COL16A1: variants seen among roughly 807,000 people sequenced by gnomAD.
The protein encoded by COL16A1 is collagen type XVI alpha 1 chain.
A neutral mutation model predicts 266.3 loss-of-function variants in COL16A1; 189 were observed. The observed-to-expected ratio is 0.71, with a 90% CI of 0.63 to 0.80. The LOEUF (loss-of-function observed/expected upper bound fraction) is 0.80, where lower values mean the gene tolerates loss of function less well. Ranked by LOEUF, COL16A1 falls within the 30% of genes least tolerant of loss-of-function variation. The pLI is 0.00. For missense variants in COL16A1, 1,928 were observed against 2,122.4 expected (o/e 0.91, Z 1.80); for synonymous variants, 740 against 782.3 (o/e 0.95, Z 0.90).
chr1:31,658,146 A>G (rs1354476523), intron 64 of COL16A1, among the ~76,000 whole-genome samples: 2 of 152,160 alleles, frequency 1.3e-5, no homozygotes, highest in East Asian at 3.8e-4. Flanking sequence ...ACAGCACTGC[A>G]TTTCTGGTTC....
chr1:31,683,929 G>A (rs775075816), intron 33 of COL16A1, 21 bp downstream of exon 33: 5 of 1,614,010 alleles, frequency 3.1e-6, no homozygotes, highest in East Asian at 4.5e-5. Flanking sequence ...TACGGCCCAG[G>A]GCCCCAAGAC....
intron 20 of COL16A1, 105 bp downstream of exon 20, chr1:31,691,083 C>A (rs1644241424): frequency 2.0e-6 from 3 of 1,524,530 alleles, no homozygotes; most frequent in Non-Finnish European, 2.6e-6. Context: ...GGCCCGGCCT[C>A]CTCCCTGGGA....
At chr1:31,681,995 A>G (rs1297739508) in intron 37 of COL16A1, among the ~76,000 whole-genome samples, 1 of 140,988 alleles carries the variant, frequency 7.1e-6, no homozygotes, top group Non-Finnish European at 1.5e-5. Context: ...ATCCGCAAAG[A>G]CAGAAGAGGA....
intron 67 of COL16A1, among the ~76,000 whole-genome samples, 155 bp downstream of exon 67, chr1:31,655,159 A>AT (rs1179123840): frequency 6.6e-6 from 1 of 151,758 alleles, no homozygotes; most frequent in African/African-American, 2.4e-5. Flanking sequence ...GGGTCCTATC[A>AT]TCCCCACCCT....
At chr1:31,701,974 C>G in intron 2 of COL16A1, 147 bp downstream of exon 2, 2 of 1,235,040 alleles carry the variant, frequency 1.6e-6, no homozygotes, top group Non-Finnish European at 2.3e-6. Flanking sequence ...GGTGCCAACA[C>G]CTCAGATCAC....
At chr1:31,687,381 CAA>C (rs60096709) in intron 26 of COL16A1, among the ~76,000 whole-genome samples, 14 of 59,768 alleles carry the variant, frequency 2.3e-4, no homozygotes, top group Admixed American at 1.1e-3. Flanking sequence ...GACTCAGTCT[CAA>C]AAAAAAAAAA....
chr1:31,693,338 C>T, intron 12 of COL16A1, 184 bp from the exon 13 acceptor site: 1 of 606,638 alleles, frequency 1.6e-6, no homozygotes, highest in Admixed American at 2.7e-5. Context: ...GGATTCCACA[C>T]CTGTTCATCC....
At chr1:31,684,690 CT>C in intron 30 of COL16A1, 60 bp from the exon 31 acceptor site, 7 of 1,607,272 alleles carry the variant, frequency 4.4e-6, no homozygotes, top group Non-Finnish European at 6.0e-6. Flanking sequence ...GGTTGCCCCC[CT>C]GGGACTCGCA....
intron 17 of COL16A1, 124 bp from the exon 18 acceptor site, chr1:31,691,766 G>T: frequency 1.5e-6 from 2 of 1,307,682 alleles, no homozygotes; most frequent in East Asian, 2.5e-5. Context: ...GCCCACCCTG[G>T]TGCCCCAAGG....
Position 31,685,551 on chromosome 1 carries a change from A to C in COL16A1, c.2016+88T>G. The C allele has an allele frequency of 2.9e-5, 32 of 1,122,508 alleles. No homozygotes were observed. Among genetic ancestry groups the C allele is most frequent in the Non-Finnish European group, 3.1e-5 (25 of 799,660 alleles). 69.5% of individuals were successfully genotyped at this position (1,122,508 alleles called of 1,614,324 possible). ...CCCCACTACCCCCAACTGCCCAGGG[A>C]GTCAAGAGACCCAGGCAGGACCCCT... On this transcript the variant is annotated intron_variant, in intron 29 of 70. Transcript: ENST00000373672. The surrounding 1 kb of genome is among the most constrained non-coding windows in gnomAD (Gnocchi z 4.0).
intron 48 of COL16A1, among the ~76,000 whole-genome samples, chr1:31,671,348 G>A (rs1642681157): frequency 6.6e-6 from 1 of 152,210 alleles, no homozygotes; most frequent in South Asian, 2.1e-4. Flanking sequence ...GCGCAGCAGA[G>A]GGTGGGGACA....
Position 31,670,579 on chromosome 1 carries a change from G to A in COL16A1, c.3195+23C>T. 1 of 1,373,044 alleles carries A rather than the reference G, an allele frequency of 7.3e-7. No individual in the cohort carries two copies. The highest frequency in any genetic ancestry group is 9.4e-7 in the Non-Finnish European group (1 of 1,059,500). The allele number at this position is 1,373,044 out of a possible 1,614,324, so 85.1% of individuals were successfully genotyped here. A position where few individuals can be genotyped will look rare whatever the true frequency, so the allele number is the denominator to read the frequency against. ...ACCTGGCTGACGGGGGGGAGGGGAG[G>A]TCGAGCAGCGCTAGGTTCTTACAGG... On this transcript the variant is annotated intron_variant, in intron 49 of 70. Coordinates refer to ENST00000373672, the MANE Select transcript of COL16A1 (RefSeq NM_001856.4). This position sits in a 1 kb window ranked among gnomAD's most constrained non-coding sequence, Gnocchi z 4.5.
Position 31,680,942 on chromosome 1 carries a change from G to A in COL16A1, c.2584-11C>T, listed in dbSNP as rs1472273189. 7 of 1,614,170 alleles carry A rather than the reference G, an allele frequency of 4.3e-6. No homozygotes were observed. The highest frequency in any genetic ancestry group is 1.1e-5 in the South Asian group (1 of 91,082). ...TGGTCCTTTTTCACCCTGCAGGGAA[G>A]AAACACAGGAAGGTGAGCAGATAGG... On this transcript the variant is annotated splice_polypyrimidine_tract_variant and intron_variant, in intron 38 of 70. Transcript: ENST00000373672.
At position 31,688,605 on chromosome 1, in the gene COL16A1, A is replaced by G; in HGVS notation, c.1768-103T>C. ...CCAGAAACAGAACGGTAAGATAGGA[A>G]TTATGTCCTTCAGGTAGCTGGACAG... On this transcript the variant is annotated intron_variant, in intron 25 of 70. Transcript: ENST00000373672. This position sits in a 1 kb window ranked among gnomAD's most constrained non-coding sequence, Gnocchi z 4.9. 6.8e-7 allele frequency: 1 copy of G among 1,470,492 alleles called. No homozygotes were observed. The highest frequency in any genetic ancestry group is 9.5e-7 in the Non-Finnish European group (1 of 1,049,992). 91.1% of individuals were successfully genotyped at this position (1,470,492 alleles called of 1,614,324 possible). A position where few individuals can be genotyped will look rare whatever the true frequency, so the allele number is the denominator to read the frequency against.
intron 23 of COL16A1, 192 bp from the exon 24 acceptor site, chr1:31,689,277 G>A (rs943933407): frequency 2.5e-5 from 22 of 895,366 alleles, no homozygotes; most frequent in African/African-American, 3.4e-5. Flanking sequence ...GTGGCGGGGG[G>A]AATGACGCCA....
In COL16A1 at chr1:31,688,564, G is replaced by T; in HGVS notation, c.1768-62C>A. ...CACTCCCACCTCTCCAAGGCTCCCCGGGTCCCAGTGTCCAACCAGAAACAG... is the reference window on the plus strand; with the variant it reads ...CACTCCCACCTCTCCAAGGCTCCCCTGGTCCCAGTGTCCAACCAGAAACAG... On this transcript the variant is annotated intron_variant, in intron 25 of 70. Transcript: ENST00000373672. The surrounding 1 kb of genome is among the most constrained non-coding windows in gnomAD (Gnocchi z 4.9). 2 of 1,603,580 alleles carry T rather than the reference G, an allele frequency of 1.2e-6. No homozygotes were observed. Among genetic ancestry groups the T allele is most frequent in the Non-Finnish European group, 1.7e-6 (2 of 1,170,608 alleles).
At chr1:31,683,601 T>C (rs1393439448) in intron 34 of COL16A1, 106 bp downstream of exon 34, 1 of 1,603,498 alleles carries the variant, frequency 6.2e-7, no homozygotes, top group African/African-American at 1.3e-5. Context: ...CTAAGTCCTG[T>C]GCCTCTGGGG....
Position 31,656,909 on chromosome 1 carries a change from A to C in COL16A1, c.4056+124T>G. ...TTCCTCTCCCCAGGACAACAGGGTT[A>C]ACAATTTCCAGAGACAGCCCGTACA... On this transcript the variant is annotated intron_variant, in intron 65 of 70. Transcript: ENST00000373672. This position sits in a 1 kb window ranked among gnomAD's most constrained non-coding sequence, Gnocchi z 4.2. The C allele has an allele frequency of 7.2e-7, 1 of 1,379,984 alleles. No homozygotes were observed. The highest frequency in any genetic ancestry group is 1.0e-6 in the Non-Finnish European group (1 of 974,660). 85.5% of individuals were successfully genotyped at this position (1,379,984 alleles called of 1,614,324 possible).
intron 66 of COL16A1, chr1:31,655,967 A>G: frequency 3.4e-6 from 1 of 298,488 alleles, no homozygotes. Flanking sequence ...CCGACTCCCC[A>G]GGCTGGGTTG....
Sources: gnomAD v4.1 joint callset for allele counts (sites outside exome capture counted in the v4.1 genomes callset) on GRCh38, gnomAD v4.1.1 for gene constraint, Gnocchi (gnomAD v3.1) non-coding constraint, MANE v1.5 for transcripts, NCBI Gene and HGNC (gene_info 2026-07-23, HGNC 2026-07-21) for gene names.